UBR1: variants seen among roughly 807,000 people sequenced by gnomAD.
The protein encoded by UBR1 is ubiquitin protein ligase E3 component n-recognin 1.
In UBR1, 102 loss-of-function variants were observed where a neutral mutation model predicts 242.1. That is an observed-to-expected ratio of 0.42 (90% CI 0.36 to 0.50). UBR1 has a LOEUF of 0.50. Ranked by LOEUF, UBR1 falls within the 20% of genes least tolerant of loss-of-function variation. The pLI is 0.01. For missense variants in UBR1, 1,772 were observed against 2,101.8 expected (o/e 0.84, Z 3.07); for synonymous variants, 675 against 684.8 (o/e 0.99, Z 0.22).
chr15:43,026,719 G>A, intron 22 of UBR1, 56 bp from the exon 23 acceptor site: 2 of 1,454,108 alleles, frequency 1.4e-6, no homozygotes, highest in Non-Finnish European at 1.9e-6. Context: ...ATAAAATATA[G>A]ACAAAATAAA....
chr15:42,950,712 G>T, intron 45 of UBR1: 1 of 316,172 alleles, frequency 3.2e-6, no homozygotes. Context: ...AACCTGGAGA[G>T]GGGAGGGAAC....
At chr15:43,043,184 G>A (rs1451573664) in intron 15 of UBR1, 31 bp downstream of exon 15, 2 of 1,610,820 alleles carry the variant, frequency 1.2e-6, no homozygotes, top group South Asian at 2.2e-5. Flanking sequence ...AAGCTAATAG[G>A]TATATGCAAA....
chr15:43,099,795 C>T (rs1567152693), intron 1 of UBR1, among the ~76,000 whole-genome samples: 2 of 151,978 alleles, frequency 1.3e-5, no homozygotes, highest in South Asian at 2.1e-4. Flanking sequence ...AAACAGGTAA[C>T]GTAGAGTACA....
intron 2 of UBR1, among the ~76,000 whole-genome samples, chr15:43,084,549 C>T (rs1182648760): frequency 6.6e-6 from 1 of 152,194 alleles, no homozygotes; most frequent in African/African-American, 2.4e-5. Context: ...CTCTGTCTCC[C>T]GGGTTCAAGC....
intron 19 of UBR1, among the ~76,000 whole-genome samples, chr15:43,034,198 T>C (rs1394535326): frequency 3.3e-5 from 5 of 151,636 alleles, no homozygotes; most frequent in East Asian, 1.9e-4. Context: ...ATTGTGCCAC[T>C]GCACTCCAGC....
intron 43 of UBR1, among the ~76,000 whole-genome samples, chr15:42,958,997 T>A (rs2031971163): frequency 6.6e-6 from 1 of 150,922 alleles, no homozygotes; most frequent in Non-Finnish European, 1.5e-5. Context: ...TGCCCAGCTA[T>A]TTTTTGTATT....
intron 19 of UBR1, among the ~76,000 whole-genome samples, chr15:43,034,281 TA>T: frequency 9.1e-5 from 1 of 10,962 alleles, no homozygotes; most frequent in Non-Finnish European, 3.3e-4. Context: ...AATAAATAAA[TA>T]GATAAATAAA....
chr15:43,037,726 T>G (rs116480362), intron 17 of UBR1, 47 bp downstream of exon 17: 2 of 1,547,744 alleles, frequency 1.3e-6, no homozygotes, highest in African/African-American at 2.7e-5. Context: ...AGAAAAAAAT[T>G]AGAAAATGAG....
At chr15:42,998,921 A>G (rs1229147252) in intron 32 of UBR1, among the ~76,000 whole-genome samples, 2 of 148,902 alleles carry the variant, frequency 1.3e-5, no homozygotes, top group Non-Finnish European at 1.5e-5. Flanking sequence ...ATGGGGTTCC[A>G]AACTTGGAGC....
In UBR1 at chr15:42,960,672, C is replaced by T. The variant is rs1484091702; in HGVS notation, c.4730G>A (p.Cys1577Tyr). Residue 1577 changes from cysteine (C) to tyrosine (Y), a missense_variant, in exon 43 of 47, where the codon TGT (cysteine) becomes TAT (tyrosine). Physicochemically the swap from Cys to Tyr is radical, Grantham distance 194. Coordinates refer to ENST00000290650, the MANE Select transcript of UBR1 (RefSeq NM_174916.3). ...RWCADPALLN[C>Y]LKQKNTVVRY... The stretch of plus-strand genomic sequence containing the variant: ...GACCACGGTGTTTTTTTGCTTCAAA[C>T]AGTTTAGTAAGGCAGGATCTGCACA... The T allele has an allele frequency of 6.2e-7, 1 of 1,613,964 alleles. No homozygotes were observed. The highest frequency in any genetic ancestry group is 1.7e-5 in the Admixed American group (1 of 60,004).
chr15:42,987,711 C>CAAAAAAAA (rs35169116), intron 35 of UBR1, among the ~76,000 whole-genome samples: 1 of 54,636 alleles, frequency 1.8e-5, no homozygotes, highest in African/African-American at 7.3e-5. Flanking sequence ...GACTCTGTCT[C>CAAAAAAAA]AAAAAAAAAA....
At chr15:42,976,250 A>G (rs572855953) in intron 39 of UBR1, among the ~76,000 whole-genome samples, 3 of 152,216 alleles carry the variant, frequency 2.0e-5, no homozygotes, top group Non-Finnish European at 4.4e-5. Context: ...AGGAGCAGAG[A>G]GAGAGGAGAA....
chr15:43,045,354 C>T (rs561398351), intron 14 of UBR1, among the ~76,000 whole-genome samples: 8 of 152,156 alleles, frequency 5.3e-5, no homozygotes, highest in East Asian at 1.9e-4. Flanking sequence ...GTAGTCCCAG[C>T]GACTTTGGAG....
chr15:42,950,484 C>A (rs759852249), intron 45 of UBR1, 121 bp from the exon 46 acceptor site: 2 of 774,480 alleles, frequency 2.6e-6, no homozygotes, highest in South Asian at 3.0e-5. Context: ...AGTAAAAAGA[C>A]AATATAAACA....
intron 13 of UBR1, 131 bp downstream of exon 13, chr15:43,048,261 T>C (rs886207703): frequency 4.4e-6 from 3 of 678,340 alleles, no homozygotes; most frequent in Non-Finnish European, 5.0e-6. Flanking sequence ...AGTGAGTCAA[T>C]GTTTAAATCT....
In UBR1 at chr15:42,945,130, T is replaced by C; in HGVS notation, c.*199A>G. 1.5e-6 allele frequency: 1 copy of C among 651,168 alleles called. No individual in the cohort carries two copies. Among genetic ancestry groups the C allele is most frequent in the South Asian group, 1.9e-5 (1 of 53,406 alleles). 40.3% of individuals were successfully genotyped at this position (651,168 alleles called of 1,614,324 possible). On this transcript the variant is annotated 3_prime_UTR_variant, in exon 47 of 47. Coordinates refer to ENST00000290650, the MANE Select transcript of UBR1 (RefSeq NM_174916.3). The stretch of plus-strand genomic sequence containing the variant: ...CTAGCACATAAAACAGATTGATCTA[T>C]GTCCTTTTTTCCTGTGAAGCATATG...
chr15:43,034,011 G>A (rs56386069), intron 19 of UBR1, among the ~76,000 whole-genome samples: 6,470 of 151,980 alleles, frequency 0.043, 180 homozygotes, highest in Middle Eastern at 0.1. Context: ...AGGCCGAGGC[G>A]GGTGGATCAC....
chr15:43,056,011 T>C (rs1035833941), intron 11 of UBR1, among the ~76,000 whole-genome samples: 1 of 152,218 alleles, frequency 6.6e-6, no homozygotes, highest in Non-Finnish European at 1.5e-5. Context: ...TCCCAAATGC[T>C]TGACAGGCAC....
At chr15:43,027,909 G>A (rs951838725) in intron 21 of UBR1, 81 bp from the exon 22 acceptor site, 23 of 1,103,184 alleles carry the variant, frequency 2.1e-5, no homozygotes, top group African/African-American at 1.1e-4. Context: ...ATTTTCTACT[G>A]CATCTCTGAA....
Sources: allele counts gnomAD v4.1 joint callset (sites outside exome capture counted in the v4.1 genomes callset), GRCh38; gene constraint gnomAD v4.1.1; transcripts MANE v1.5; gene names NCBI Gene and HGNC (gene_info 2026-07-23, HGNC 2026-07-21).